The following GPHN variants were observed in gnomAD, a reference collection of about 807,000 sequenced individuals.
The protein encoded by GPHN is gephyrin.
In GPHN, 17 loss-of-function variants were observed where a neutral mutation model predicts 95.5. The ratio of observed to expected loss-of-function variants is 0.18; its 90% CI spans 0.12 to 0.27. GPHN has a LOEUF of 0.27. GPHN is among the 10% of genes least tolerant of loss of function. The pLI is 1.00. For missense variants in GPHN, 660 were observed against 978.1 expected, an observed-to-expected ratio of 0.67 and a Z score of 4.34; for synonymous variants, 320 against 322.5, an observed-to-expected ratio of 0.99 and a Z score of 0.08.
At chr14:67,600,861 G>A in the GPHN span, among the ~76,000 whole-genome samples, 3 of 152,180 alleles carry the variant, frequency 2.0e-5, no homozygotes, top group Non-Finnish European at 4.4e-5. Flanking sequence ...TTACAGGCGT[G>A]AGCCACCGCA....
chr14:67,302,337 A>G, the GPHN span: 7 of 1,212,802 alleles, frequency 5.8e-6, no homozygotes, highest in East Asian at 1.2e-4. Flanking sequence ...TGGAAAAAAT[A>G]GAATTTAAAA....
the GPHN span, among the ~76,000 whole-genome samples, chr14:67,254,584 C>T: frequency 6.6e-6 from 1 of 152,114 alleles, no homozygotes; most frequent in African/African-American, 2.4e-5. Flanking sequence ...CTGATACAGT[C>T]GTACTTGTCC....
At chr14:66,906,836 T>C (rs936131960) in intron 5 of GPHN, among the ~76,000 whole-genome samples, 1 of 152,184 alleles carries the variant, frequency 6.6e-6, no homozygotes. Flanking sequence ...GTCAGAGAAG[T>C]TACTCTATAA....
the GPHN span, among the ~76,000 whole-genome samples, chr14:67,458,148 A>C: frequency 0.25 from 38,171 of 152,056 alleles, 5,183 homozygotes; most frequent in African/African-American, 0.35. Context: ...CCCAGGCTGA[A>C]CTTTCAGCTT....
chr14:66,744,251 T>C (rs2058055259), intron 2 of GPHN, among the ~76,000 whole-genome samples: 1 of 152,204 alleles, frequency 6.6e-6, no homozygotes, highest in Non-Finnish European at 1.5e-5. Context: ...TCCATATTAT[T>C]TTCCTCCTAG....
At chr14:66,994,158 G>A (rs1266097829) in intron 9 of GPHN, among the ~76,000 whole-genome samples, 1 of 152,064 alleles carries the variant, frequency 6.6e-6, no homozygotes, top group Non-Finnish European at 1.5e-5. Flanking sequence ...CTGAGGTCAG[G>A]AGTTCAAGAC....
intron 4 of GPHN, among the ~76,000 whole-genome samples, chr14:66,871,209 T>C (rs2063421148): frequency 6.6e-6 from 1 of 152,180 alleles, no homozygotes; most frequent in Non-Finnish European, 1.5e-5. Flanking sequence ...GCTTAATAAA[T>C]ATTCGTTATT....
chr14:67,624,277 G>A, the GPHN span, among the ~76,000 whole-genome samples: 1 of 151,948 alleles, frequency 6.6e-6, no homozygotes, highest in Admixed American at 6.5e-5. Flanking sequence ...TGGGAAATCT[G>A]TGTTGTTTTA....
chr14:66,548,056 A>T (rs2059666575), intron 1 of GPHN, among the ~76,000 whole-genome samples: 1 of 151,864 alleles, frequency 6.6e-6, no homozygotes, highest in African/African-American at 2.4e-5. Context: ...TTTTTTTAAC[A>T]ACGTGTACTC....
At chr14:67,596,293 T>C in the GPHN span, among the ~76,000 whole-genome samples, 3 of 122,266 alleles carry the variant, frequency 2.5e-5, no homozygotes, top group Non-Finnish European at 3.3e-5. Flanking sequence ...CACGCCCAGC[T>C]AATTTTTTTT....
chr14:66,531,133 A>C (rs1243537811), intron 1 of GPHN, among the ~76,000 whole-genome samples: 1 of 151,764 alleles, frequency 6.6e-6, no homozygotes, highest in Non-Finnish European at 1.5e-5. Flanking sequence ...TTTAGTAGAG[A>C]AAGGGCTTCG....
the GPHN span, chr14:67,454,548 A>C: frequency 6.6e-6 from 1 of 152,242 alleles, no homozygotes; most frequent in Admixed American, 6.5e-5. Context: ...GCACTCATTC[A>C]TTCATTTATT....
At chr14:67,622,644 AT>A in the GPHN span, among the ~76,000 whole-genome samples, 8 of 152,358 alleles carry the variant, frequency 5.3e-5, no homozygotes, top group Admixed American at 3.9e-4. Flanking sequence ...GTCTCTTAAA[AT>A]AGCTTGTACA....
chr14:66,829,117 TCA>T (rs2061489816), intron 4 of GPHN, among the ~76,000 whole-genome samples: 1 of 140,152 alleles, frequency 7.1e-6, no homozygotes, highest in African/African-American at 2.7e-5. Context: ...AGACAGAGTC[TCA>T]CTCTGTAACC....
the GPHN span, among the ~76,000 whole-genome samples, chr14:67,487,797 A>T: frequency 1.4e-5 from 2 of 147,998 alleles, no homozygotes; most frequent in African/African-American, 4.9e-5. Context: ...CATGTACTTT[A>T]AAAAAAAAAA....
chr14:67,541,655 C>G, the GPHN span, among the ~76,000 whole-genome samples: 2 of 152,212 alleles, frequency 1.3e-5, no homozygotes, highest in African/African-American at 4.8e-5. Flanking sequence ...GCGGGACACA[C>G]TGAGCTGAGG....
At chr14:67,219,690 G>T in the GPHN span, among the ~76,000 whole-genome samples, 1 of 152,000 alleles carries the variant, frequency 6.6e-6, no homozygotes, top group East Asian at 1.9e-4. Context: ...TAAATAAATA[G>T]CAAAAATCAT....
chr14:66,670,209 A>T (rs918528899), intron 1 of GPHN, among the ~76,000 whole-genome samples: 7 of 152,058 alleles, frequency 4.6e-5, no homozygotes, highest in Non-Finnish European at 1.0e-4. Flanking sequence ...CTGTGTAGGC[A>T]TGTTAGTTTT....
chr14:66,677,737 C>G (rs1196508531), intron 1 of GPHN, among the ~76,000 whole-genome samples: 1 of 151,868 alleles, frequency 6.6e-6, no homozygotes, highest in Non-Finnish European at 1.5e-5. Context: ...GTGCTGATGT[C>G]AAAAAATGGA....
Sources: gnomAD v4.1 joint callset for allele counts (sites outside exome capture counted in the v4.1 genomes callset) on GRCh38, gnomAD v4.1.1 for gene constraint, MANE v1.5 for transcripts, NCBI Gene and HGNC (gene_info 2026-07-23, HGNC 2026-07-21) for gene names.